Variants in SEMA3A observed in about 807,000 individuals in gnomAD.
SEMA3A encodes semaphorin-3A.
SEMA3A carries 29 observed loss-of-function variants against 97.9 expected under a neutral mutation model. That is an observed-to-expected ratio of 0.30 (90% CI 0.22 to 0.40). The LOEUF (loss-of-function observed/expected upper bound fraction) is 0.40. SEMA3A is among the 10% of genes least tolerant of loss of function. The pLI, the probability that SEMA3A is intolerant of heterozygous loss-of-function variation, is 1.00. For synonymous variants in SEMA3A, 321 were observed against 323.7 expected (o/e 0.99, Z 0.09); for missense variants, 763 against 951.3 (o/e 0.80, Z 2.60).
chr7:84,280,854 C>T (rs1800424284), intron 3 of SEMA3A, among the ~76,000 whole-genome samples: 1 of 151,978 alleles, frequency 6.6e-6, no homozygotes, highest in Admixed American at 6.6e-5. Context: ...TTCACAATAG[C>T]AAATTTTAAG....
intron 6 of SEMA3A, among the ~76,000 whole-genome samples, chr7:84,045,923 A>G (rs1349701397): frequency 6.6e-6 from 1 of 151,798 alleles, no homozygotes. Context: ...TTTGACATTC[A>G]CTAGTATATA....
chr7:83,971,722 C>G (rs557222637), intron 15 of SEMA3A, among the ~76,000 whole-genome samples: 20 of 152,078 alleles, frequency 1.3e-4, no homozygotes, highest in South Asian at 4.2e-4. Flanking sequence ...GAAATAGGAC[C>G]AATAAATATG....
At chr7:84,447,403 T>TCCTGGTGGAGTCCC (rs1198151680) in intron 1 of SEMA3A, among the ~76,000 whole-genome samples, 13 of 152,248 alleles carry the variant, frequency 8.5e-5, no homozygotes, top group Middle Eastern at 3.4e-3. Flanking sequence ...GGCTGTCAGT[T>TCCTGGTGGAGTCCC]CCTGGTGGAG....
intron 1 of SEMA3A, among the ~76,000 whole-genome samples, chr7:84,465,487 T>G (rs2116397682): frequency 6.6e-6 from 1 of 152,314 alleles, no homozygotes; most frequent in South Asian, 2.1e-4. Flanking sequence ...ATATGTGTTC[T>G]TCTGTATGCT....
intron 3 of SEMA3A, among the ~76,000 whole-genome samples, chr7:84,292,746 A>C (rs1346184792): frequency 1.3e-5 from 2 of 152,126 alleles, no homozygotes; most frequent in Admixed American, 6.6e-5. Flanking sequence ...GTGTAAAGAA[A>C]GAATGTAGTA....
At chr7:84,303,594 G>A (rs1393584792) in intron 3 of SEMA3A, among the ~76,000 whole-genome samples, 1 of 151,032 alleles carries the variant, frequency 6.6e-6, no homozygotes, top group Non-Finnish European at 1.5e-5. Context: ...GATAGTCCCC[G>A]ACCTGGCACT....
chr7:84,059,903 T>C (rs1042247056), intron 5 of SEMA3A, among the ~76,000 whole-genome samples: 4 of 152,150 alleles, frequency 2.6e-5, no homozygotes, highest in Non-Finnish European at 5.9e-5. Context: ...GAAAAAATTC[T>C]TTATTTTTCA....
chr7:84,311,111 C>T (rs1801303286), intron 2 of SEMA3A, among the ~76,000 whole-genome samples: 1 of 151,676 alleles, frequency 6.6e-6, no homozygotes, highest in Non-Finnish European at 1.5e-5. Flanking sequence ...TTTAAACATG[C>T]AATTTCAATA....
At chr7:83,993,909 GTT>G (rs1194971564) in intron 12 of SEMA3A, among the ~76,000 whole-genome samples, 1 of 120,858 alleles carries the variant, frequency 8.3e-6, no homozygotes, top group African/African-American at 3.2e-5. Flanking sequence ...CCTGCAGAGT[GTT>G]TTCCAACTTG....
chr7:84,221,954 A>G (rs549333925), intron 3 of SEMA3A, among the ~76,000 whole-genome samples: 1 of 151,988 alleles, frequency 6.6e-6, no homozygotes, highest in Non-Finnish European at 1.5e-5. Flanking sequence ...AAAAAACACA[A>G]TATCTGGGAA....
At position 84,216,260 on chromosome 7, in the gene SEMA3A, C is replaced by A. The variant is rs1345757900; in HGVS notation, c.-82-21592G>T. Among the ~76,000 whole-genome samples, 7 of 152,246 alleles carry A rather than the reference C, an allele frequency of 4.6e-5. No homozygotes were observed. The East Asian group carries it at 1.4e-3, about 30-fold the overall frequency. On this transcript the variant is annotated intron_variant, in intron 3 of 3. Coordinates refer to the SEMA3A transcript ENST00000424555. The stretch of plus-strand genomic sequence containing the variant: ...TAGCTGGGACTACAGGCGCTCGCCA[C>A]CACACCCGGCTAATTTTTGTATTTT...
At chr7:84,001,540 A>G (rs1227106353) in intron 12 of SEMA3A, among the ~76,000 whole-genome samples, 1 of 152,172 alleles carries the variant, frequency 6.6e-6, no homozygotes, top group African/African-American at 2.4e-5. Context: ...CTAAAAATTG[A>G]CTGAAATGTC....
At chr7:84,099,859 T>C (rs1479035628) in intron 4 of SEMA3A, among the ~76,000 whole-genome samples, 1 of 152,270 alleles carries the variant, frequency 6.6e-6, no homozygotes, top group Non-Finnish European at 1.5e-5. Context: ...GTTATGTATA[T>C]GTCTATTAAT....
intron 1 of SEMA3A, among the ~76,000 whole-genome samples, chr7:84,379,049 T>A (rs1803186699): frequency 6.6e-6 from 1 of 152,000 alleles, no homozygotes; most frequent in Non-Finnish European, 1.5e-5. Context: ...TGCCTCAGCC[T>A]CCTGAGTAGC....
chr7:84,046,496 C>A (rs1792358007), intron 5 of SEMA3A, 53 bp from the exon 6 acceptor site: 1 of 1,581,254 alleles, frequency 6.3e-7, no homozygotes. Context: ...AAGGCAAAAA[C>A]AAAACAAAAC....
intron 5 of SEMA3A, among the ~76,000 whole-genome samples, chr7:84,050,756 T>C (rs369097286): frequency 3.9e-5 from 6 of 152,194 alleles, no homozygotes; most frequent in Admixed American, 3.3e-4. Flanking sequence ...GCCATGGCTT[T>C]TGGTGTTTTA....
intron 13 of SEMA3A, 119 bp downstream of exon 13, chr7:83,985,317 C>A: frequency 1.4e-6 from 1 of 700,758 alleles, no homozygotes; most frequent in Non-Finnish European, 2.4e-6. Flanking sequence ...TATTTGTTTT[C>A]TCCTGTATTT....
At chr7:84,216,568 G>C (rs894830785) in intron 3 of SEMA3A, among the ~76,000 whole-genome samples, 1 of 152,092 alleles carries the variant, frequency 6.6e-6, no homozygotes, top group African/African-American at 2.4e-5. Flanking sequence ...CACAACAGAA[G>C]AGTGACCTCA....
chr7:84,312,941 CACGTACACACAT>C (rs1353283513), intron 2 of SEMA3A, among the ~76,000 whole-genome samples: 16 of 118,360 alleles, frequency 1.4e-4, no homozygotes, highest in African/African-American at 5.0e-4. Context: ...CACACACACA[CACGTACACACAT>C]ATATGTTACA....
Sources: allele counts gnomAD v4.1 joint callset (sites outside exome capture counted in the v4.1 genomes callset), GRCh38; gene constraint gnomAD v4.1.1; transcripts MANE v1.5; gene names NCBI Gene and HGNC (gene_info 2026-07-23, HGNC 2026-07-21).